The following CRACR2A variants were observed in gnomAD, a reference collection of about 807,000 sequenced individuals.
The protein encoded by CRACR2A is EF-hand calcium-binding domain-containing protein 4B.
In CRACR2A, 79 loss-of-function variants were observed where a neutral mutation model predicts 90.5. The observed-to-expected ratio is 0.87, with a 90% CI of 0.73 to 1.05. CRACR2A has a LOEUF of 1.05. CRACR2A is among the 50% of genes least tolerant of loss of function. CRACR2A has a pLI of 0.00. For missense variants in CRACR2A, 823 were observed against 897.2 expected, an observed-to-expected ratio of 0.92 and a Z score of 1.06; for synonymous variants, 338 against 356.7, an observed-to-expected ratio of 0.95 and a Z score of 0.59.
chr12:3,717,011 AG>A (rs1289700701), intron 2 of CRACR2A, among the ~76,000 whole-genome samples: 3 of 152,212 alleles, frequency 2.0e-5, no homozygotes, highest in African/African-American at 4.8e-5. Flanking sequence ...TGGATGGCAC[AG>A]GCATTCGATA....
chr12:3,672,862 G>A (rs1945271990), intron 7 of CRACR2A: 1 of 942,988 alleles, frequency 1.1e-6, no homozygotes, highest in Non-Finnish European at 1.3e-6. Context: ...GGTAGACGAA[G>A]AGACATGAGG....
chr12:3,665,065 TATTTC>T (rs1223513234), intron 7 of CRACR2A, among the ~76,000 whole-genome samples: 1 of 152,098 alleles, frequency 6.6e-6, no homozygotes, highest in Non-Finnish European at 1.5e-5. Context: ...TCTATTTAAT[TATTTC>T]ATTTTCTACC....
intron 1 of CRACR2A, among the ~76,000 whole-genome samples, chr12:3,752,337 GAC>G (rs60953429): frequency 0.22 from 15,051 of 68,738 alleles, 1,238 homozygotes; most frequent in African/African-American, 0.36. Context: ...CACACACACG[GAC>G]ACACACACAC....
rs529432847 is a variant in CRACR2A, at chr12:3,620,127, G to A, written c.1933-755C>T. ...GCTGTGGCTTACCAGCCAGGGGCCT[G>A]CTTCCCGGGTCTCCACCTCCTCCCT... is the stretch of plus-strand genomic sequence containing the variant. On this transcript the variant is annotated intron_variant, in intron 17 of 19. Transcript: ENST00000440314. Among the ~76,000 whole-genome samples the A allele has an allele frequency of 1.1e-3, 175 of 152,352 alleles. 1 individual carries two copies. Among genetic ancestry groups the A allele is most frequent in the African/African-American group, 4.0e-3 (165 of 41,586 alleles).
intron 1 of CRACR2A, among the ~76,000 whole-genome samples, chr12:3,741,517 T>C (rs1330022116): frequency 6.6e-6 from 1 of 152,262 alleles, no homozygotes; most frequent in East Asian, 1.9e-4. Flanking sequence ...ACGACTTTCA[T>C]ATTTTCACTG....
At chr12:3,692,171 T>G (rs1418357288) in intron 4 of CRACR2A, among the ~76,000 whole-genome samples, 1 of 152,218 alleles carries the variant, frequency 6.6e-6, no homozygotes, top group Non-Finnish European at 1.5e-5. Context: ...CTCAGCCCAG[T>G]TCAGAACCCT....
At chr12:3,744,433 T>C (rs1355780287) in intron 1 of CRACR2A, among the ~76,000 whole-genome samples, 1 of 152,170 alleles carries the variant, frequency 6.6e-6, no homozygotes, top group South Asian at 2.1e-4. Context: ...CTTGACTCTG[T>C]ACAATGACAC....
chr12:3,622,304 A>G (rs1333353795), intron 17 of CRACR2A, among the ~76,000 whole-genome samples: 4 of 152,158 alleles, frequency 2.6e-5, no homozygotes, highest in African/African-American at 9.7e-5. Context: ...TCAGGCACAC[A>G]ATCTCTCTTT....
intron 1 of CRACR2A, among the ~76,000 whole-genome samples, chr12:3,751,653 G>A (rs1266810248): frequency 1.3e-5 from 2 of 152,022 alleles, no homozygotes; most frequent in Non-Finnish European, 2.9e-5. Context: ...CCTATTCAAG[G>A]CCCGGCCTCA....
Position 3,633,018 on chromosome 12 carries a change from A to G in CRACR2A, c.1735+586T>C, listed in dbSNP as rs954669681. ...AAAATATCACCCAGAGTGGGAATAC[A>G]TTAAGCCATGATCATCCATTAATAG... is the stretch of plus-strand genomic sequence containing the variant. On this transcript the variant is annotated intron_variant, in intron 15 of 19. Transcript: ENST00000440314. The surrounding 1 kb of genome is among the most constrained non-coding windows in gnomAD (Gnocchi z 4.5). Among the ~76,000 whole-genome samples, 4 of 152,372 alleles carry G rather than the reference A, an allele frequency of 2.6e-5. No homozygotes were observed. Among genetic ancestry groups the G allele is most frequent in the African/African-American group, 9.6e-5 (4 of 41,592 alleles).
intron 1 of CRACR2A, among the ~76,000 whole-genome samples, chr12:3,748,780 A>T (rs574525713): frequency 6.6e-6 from 1 of 152,226 alleles, no homozygotes; most frequent in Non-Finnish European, 1.5e-5. Context: ...GAGCCTGTAG[A>T]GGACAAACCT....
At chr12:3,725,247 C>T (rs1219082328) in intron 2 of CRACR2A, among the ~76,000 whole-genome samples, 1 of 152,126 alleles carries the variant, frequency 6.6e-6, no homozygotes, top group African/African-American at 2.4e-5. Context: ...TGTCTTAAAA[C>T]AACAGATTTC....
intron 3 of CRACR2A, among the ~76,000 whole-genome samples, chr12:3,699,345 C>G (rs1302749691): frequency 6.6e-6 from 1 of 152,154 alleles, no homozygotes; most frequent in Non-Finnish European, 1.5e-5. Context: ...ATGCAGCAAG[C>G]TCTGAGCTAA....
In CRACR2A at chr12:3,619,376, C is replaced by T. The variant is rs544180518; in HGVS notation, c.1933-4G>A. ...GCACCCGGTCTCCCACAGCTTCCTG[C>T]AGAACAGAAAATGTTTTCAACTGAG... On this transcript the variant is annotated splice_region_variant and splice_polypyrimidine_tract_variant and intron_variant, in intron 17 of 19. Coordinates refer to ENST00000440314, the MANE Select transcript of CRACR2A (RefSeq NM_001144958.2). 39 of 1,551,092 alleles carry T rather than the reference C, an allele frequency of 2.5e-5. No individual in the cohort carries two copies. The highest frequency in any genetic ancestry group is 3.1e-5 in the Non-Finnish European group (36 of 1,146,642).
intron 5 of CRACR2A, among the ~76,000 whole-genome samples, chr12:3,679,787 A>G (rs1184341156): frequency 4.6e-5 from 7 of 152,220 alleles, no homozygotes; most frequent in African/African-American, 1.7e-4. Context: ...AGTCTGTTCA[A>G]ACCTTCTAGA....
At chr12:3,748,778 A>G (rs1289290435) in intron 1 of CRACR2A, among the ~76,000 whole-genome samples, 4 of 152,220 alleles carry the variant, frequency 2.6e-5, no homozygotes, top group African/African-American at 7.2e-5. Flanking sequence ...TGGAGCCTGT[A>G]GAGGACAAAC....
At chr12:3,693,673 G>A (rs1945690997) in intron 4 of CRACR2A, among the ~76,000 whole-genome samples, 1 of 152,200 alleles carries the variant, frequency 6.6e-6, no homozygotes. Context: ...CTACTGAGAA[G>A]TCTGCTGTTA....
chr12:3,663,449 C>T (rs1945075272), intron 7 of CRACR2A, among the ~76,000 whole-genome samples: 1 of 152,186 alleles, frequency 6.6e-6, no homozygotes, highest in African/African-American at 2.4e-5. Context: ...TTCTGGCTCA[C>T]AGAAATCTGT....
chr12:3,706,757 C>T (rs1026925523), intron 3 of CRACR2A, among the ~76,000 whole-genome samples: 4 of 152,128 alleles, frequency 2.6e-5, no homozygotes, highest in Admixed American at 6.5e-5. Context: ...TGTGCCACCA[C>T]GCCCAGCTAA....
Sources: gnomAD v4.1 joint callset for allele counts (sites outside exome capture counted in the v4.1 genomes callset) on GRCh38, gnomAD v4.1.1 for gene constraint, Gnocchi (gnomAD v3.1) non-coding constraint, MANE v1.5 for transcripts, NCBI Gene and HGNC (gene_info 2026-07-23, HGNC 2026-07-21) for gene names.